Variants in CDC42SE2 observed in about 807,000 individuals in gnomAD.
CDC42SE2 encodes the protein CDC42 small effector protein 2.
CDC42SE2 carries 3 observed loss-of-function variants against 11.5 expected under a neutral mutation model. The observed-to-expected ratio is 0.26, with a 90% CI of 0.12 to 0.67. The LOEUF (loss-of-function observed/expected upper bound fraction) is 0.67, where lower values mean the gene tolerates loss of function less well. Among genes scored for constraint, CDC42SE2 ranks in the 30% least tolerant of loss-of-function variants. The pLI, the probability that CDC42SE2 is intolerant of heterozygous loss-of-function variation, is 0.80. For synonymous variants in CDC42SE2, 33 were observed against 34.8 expected, an observed-to-expected ratio of 0.95 and a Z score of 0.18; for missense variants, 82 against 106.8, an observed-to-expected ratio of 0.77 and a Z score of 1.02.
At chr5:131,388,406 A>G (rs1750552717) in intron 4 of CDC42SE2, among the ~76,000 whole-genome samples, 1 of 152,274 alleles carries the variant, frequency 6.6e-6, no homozygotes, top group Non-Finnish European at 1.5e-5. Context: ...GAAACCATAA[A>G]TAGACATGCT....
chr5:131,321,983 T>C (rs1200146227), intron 2 of CDC42SE2, among the ~76,000 whole-genome samples: 1 of 152,198 alleles, frequency 6.6e-6, no homozygotes, highest in Non-Finnish European at 1.5e-5. Context: ...CCCAAGTAGC[T>C]GGGACTACAG....
At chr5:131,236,989 T>C in the CDC42SE2 span, among the ~76,000 whole-genome samples, 4 of 152,250 alleles carry the variant, frequency 2.6e-5, no homozygotes. Flanking sequence ...TCATATTTTT[T>C]CCCAACTATT....
At chr5:131,333,479 A>G (rs1291728198) in intron 2 of CDC42SE2, among the ~76,000 whole-genome samples, 1 of 152,174 alleles carries the variant, frequency 6.6e-6, no homozygotes, top group East Asian at 1.9e-4. Context: ...TGAACTTGAA[A>G]GTAGTTTTTT....
At chr5:131,274,815 A>C (rs950590210) in intron 1 of CDC42SE2, among the ~76,000 whole-genome samples, 9 of 152,150 alleles carry the variant, frequency 5.9e-5, no homozygotes, top group Non-Finnish European at 1.0e-4. Flanking sequence ...GCTAGTAGGA[A>C]TAGAGCTTCG....
chr5:131,355,208 A>G (rs1749500023), intron 2 of CDC42SE2, among the ~76,000 whole-genome samples: 1 of 152,186 alleles, frequency 6.6e-6, no homozygotes. Context: ...TATATTAGCT[A>G]ACTTAATCCT....
intron 2 of CDC42SE2, among the ~76,000 whole-genome samples, chr5:131,358,357 G>A (rs1749613816): frequency 6.6e-6 from 1 of 152,156 alleles, no homozygotes; most frequent in Admixed American, 6.5e-5. Context: ...CCTAGAATCA[G>A]AGATTGATGT....
intron 2 of CDC42SE2, among the ~76,000 whole-genome samples, chr5:131,342,648 A>G (rs1758739347): frequency 1.3e-5 from 2 of 150,952 alleles, no homozygotes; most frequent in Non-Finnish European, 2.9e-5. Flanking sequence ...TCAGCCTCCC[A>G]AAGTGCTGGG....
chr5:131,219,949 A>G, the CDC42SE2 span, among the ~76,000 whole-genome samples: 1 of 152,074 alleles, frequency 6.6e-6, no homozygotes, highest in Non-Finnish European at 1.5e-5. Context: ...ACAAACAAAC[A>G]AAAAAAGTTG....
At chr5:131,335,291 T>G (rs538749655) in intron 2 of CDC42SE2, among the ~76,000 whole-genome samples, 5 of 152,360 alleles carry the variant, frequency 3.3e-5, no homozygotes, top group Admixed American at 6.5e-5. Flanking sequence ...GTGAGTTTCT[T>G]AATCCTGAGT....
At chr5:131,258,801 C>T (rs1044024323) in intron 2 of CDC42SE2, among the ~76,000 whole-genome samples, 3 of 152,228 alleles carry the variant, frequency 2.0e-5, no homozygotes, top group Non-Finnish European at 4.4e-5. Context: ...CCCTCAACCA[C>T]ATTCATAAAG....
intron 1 of CDC42SE2, among the ~76,000 whole-genome samples, chr5:131,296,888 C>T (rs962940809): frequency 1.3e-5 from 2 of 151,608 alleles, no homozygotes; most frequent in African/African-American, 2.4e-5. Flanking sequence ...TTCTTTCTTT[C>T]TTTTTTTTAT....
At chr5:131,230,842 T>C in the CDC42SE2 span, among the ~76,000 whole-genome samples, 1 of 152,252 alleles carries the variant, frequency 6.6e-6, no homozygotes, top group Non-Finnish European at 1.5e-5. Context: ...AATATAGCTT[T>C]GCTTTTTAAA....
intron 1 of CDC42SE2, among the ~76,000 whole-genome samples, chr5:131,283,052 C>T (rs1217985359): frequency 2.0e-5 from 3 of 151,668 alleles, no homozygotes; most frequent in Admixed American, 6.6e-5. Context: ...CTCAGCCTCC[C>T]GAGTAGATGG....
At chr5:131,300,841 A>G (rs1185134229) in intron 1 of CDC42SE2, among the ~76,000 whole-genome samples, 1 of 152,218 alleles carries the variant, frequency 6.6e-6, no homozygotes. Flanking sequence ...TATCACAAGC[A>G]AAGAAGGATG....
chr5:131,357,537 A>T (rs1749586192), intron 2 of CDC42SE2, among the ~76,000 whole-genome samples: 1 of 152,328 alleles, frequency 6.6e-6, no homozygotes, highest in East Asian at 1.9e-4. Flanking sequence ...TGATCCTGTA[A>T]TGTGGTTGTT....
At chr5:131,295,505 A>G (rs917695087) in intron 1 of CDC42SE2, among the ~76,000 whole-genome samples, 1 of 152,188 alleles carries the variant, frequency 6.6e-6, no homozygotes, top group Non-Finnish European at 1.5e-5. Flanking sequence ...AGTGGTTAAC[A>G]AAAGGTTCAG....
At chr5:131,244,926 A>G (rs184439672), upstream of CDC42SE2, among the ~76,000 whole-genome samples, 301 of 152,232 alleles carry the variant, frequency 2.0e-3, 1 homozygote, top group African/African-American at 7.0e-3. Context: ...ACTGGGGGGA[A>G]TCATGATAAG....
intron 3 of CDC42SE2, among the ~76,000 whole-genome samples, chr5:131,382,267 C>G (rs971672852): frequency 4.6e-5 from 7 of 152,166 alleles, no homozygotes; most frequent in African/African-American, 1.7e-4. Flanking sequence ...TCTCAGTAAT[C>G]ATGTTTGCTG....
chr5:131,267,379 A>G (rs1756892401), intron 1 of CDC42SE2, among the ~76,000 whole-genome samples: 1 of 151,798 alleles, frequency 6.6e-6, no homozygotes, highest in Non-Finnish European at 1.5e-5. Flanking sequence ...TTTGTACCTT[A>G]AAAATACTAG....
Sources: allele counts gnomAD v4.1 joint callset (sites outside exome capture counted in the v4.1 genomes callset), GRCh38; gene constraint gnomAD v4.1.1; transcripts MANE v1.5; gene names NCBI Gene and HGNC (gene_info 2026-07-23, HGNC 2026-07-21).